Variants in CELSR1 observed in about 807,000 individuals in gnomAD.
The protein encoded by CELSR1 is adhesion G protein-coupled receptor C1.
CELSR1 carries 110 observed loss-of-function variants against 249.1 expected under a neutral mutation model. The ratio of observed to expected loss-of-function variants is 0.44; its 90% confidence interval spans 0.38 to 0.52. CELSR1 has a LOEUF of 0.52. Among genes scored for constraint, CELSR1 ranks in the 20% least tolerant of loss-of-function variants. The pLI, the probability that CELSR1 is intolerant of heterozygous loss-of-function variation, is 0.00. For synonymous variants in CELSR1, 2,113 were observed against 1,900.0 expected, an observed-to-expected ratio of 1.11 and a Z score of -2.92; for missense variants, 4,109 against 4,296.4, an observed-to-expected ratio of 0.96 and a Z score of 1.22.
At position 46,408,894 on chromosome 22, in the gene CELSR1, C is replaced by T. The variant is rs2079297534; in HGVS notation, c.5226+102G>A. ...CCAGGGGCGGGCGCCGGAGGAAGGG[C>T]GAGTAGCAGGTGCCCGAGTGTGCAC... On this transcript the variant is annotated intron_variant, in intron 9 of 34. Coordinates refer to ENST00000674500, the MANE Select transcript of CELSR1 (RefSeq NM_001378328.1). This position sits in a 1 kb window ranked among gnomAD's most constrained non-coding sequence, Gnocchi z 4.6. The T allele has an allele frequency of 4.3e-6, 4 of 936,022 alleles. No individual in the cohort carries two copies. The highest frequency in any genetic ancestry group is 3.9e-5 in the South Asian group (2 of 51,242). The allele number at this position is 936,022 out of a possible 1,614,324, so 58.0% of individuals were successfully genotyped here.
intron 2 of CELSR1, among the ~76,000 whole-genome samples, chr22:46,456,619 T>C (rs1018349659): frequency 3.0e-5 from 4 of 135,354 alleles, no homozygotes; most frequent in African/African-American, 5.6e-5. Flanking sequence ...GCCGAGATTG[T>C]GCCGCTGCAC....
intron 2 of CELSR1, among the ~76,000 whole-genome samples, chr22:46,443,780 G>C (rs184254011): frequency 6.6e-6 from 1 of 152,254 alleles, no homozygotes; most frequent in Non-Finnish European, 1.5e-5. Context: ...GTCAGTGCTC[G>C]TGGCTTCCTG....
chr22:46,369,881 T>C (rs1451343664), intron 25 of CELSR1, 77 bp from the exon 26 acceptor site: 2 of 1,167,130 alleles, frequency 1.7e-6, no homozygotes, highest in African/African-American at 1.5e-5. Context: ...CCAGCCAGGG[T>C]GGGGTGAAAT....
At chr22:46,373,565 A>T (rs907035703) in intron 24 of CELSR1, among the ~76,000 whole-genome samples, 64 of 150,278 alleles carry the variant, frequency 4.3e-4, no homozygotes, top group African/African-American at 1.6e-3. Context: ...TGCCCCAGCC[A>T]GTGCTCCCAA....
In CELSR1 at chr22:46,536,354, T is replaced by A. The variant is rs2080855631; in HGVS notation, c.817A>T (p.Ile273Phe). 1 of 1,612,582 alleles carries A rather than the reference T, an allele frequency of 6.2e-7. No individual in the cohort carries two copies. The highest frequency in any genetic ancestry group is 1.3e-5 in the African/African-American group (1 of 75,064). ...LILQLHAHYTIEGEEERVSYY... is the reference protein window; with the variant it reads ...LILQLHAHYTFEGEEERVSYY... ...CTCACGCGCTCCTCCTCGCCCTCGA[T>A]GGTGTAGTGCGCGTGCAGCTGGAGG... is the stretch of plus-strand genomic sequence containing the variant. Residue 273 changes from isoleucine (I) to phenylalanine (F), a missense_variant, in exon 1 of 35, where the codon ATC becomes TTC. Ile to Phe is a conservative substitution (Grantham distance 21, BLOSUM62 0). Coordinates refer to ENST00000674500, the MANE Select transcript of CELSR1 (RefSeq NM_001378328.1).
rs1433582746 is a variant in CELSR1, at chr22:46,411,153, C to A, written c.4769+449G>T. ...GGTCAAGGCTTCAGTGAGCTAGAAT[C>A]GTGCCACTGCACTCCAGCCTGGGCA... On this transcript the variant is annotated intron_variant, in intron 6 of 34. Coordinates refer to ENST00000674500, the MANE Select transcript of CELSR1 (RefSeq NM_001378328.1). This position sits in a 1 kb window ranked among gnomAD's most constrained non-coding sequence, Gnocchi z 4.2. Among the ~76,000 whole-genome samples the A allele has an allele frequency of 6.6e-6, 1 of 152,112 alleles. No individual in the cohort carries two copies. Among genetic ancestry groups the A allele is most frequent in the African/African-American group, 2.4e-5 (1 of 41,402 alleles).
In CELSR1 at chr22:46,365,704, G is replaced by A; in HGVS notation, c.8301-15C>T. 1.9e-6 allele frequency: 3 copies of A among 1,555,152 alleles called. No homozygotes were observed. Among genetic ancestry groups the A allele is most frequent in the African/African-American group, 1.4e-5 (1 of 73,456 alleles). ...TCCCTTCATCCCTAGAGAGGCCAGG[G>A]AGGGTGGGCTCAGTATCATCCGTCA... On this transcript the variant is annotated splice_polypyrimidine_tract_variant and intron_variant, in intron 30 of 34. Transcript: ENST00000674500.
rs889317692 is a variant in CELSR1, at chr22:46,398,859, G to A, written c.5413-222C>T. ...ACCAGGCCAGAGGATGGGTGTCCAT[G>A]CCCCAGCCTAGCTGAGGCGGCCAGT... is the stretch of plus-strand genomic sequence containing the variant. On this transcript the variant is annotated intron_variant, in intron 10 of 34. Transcript: ENST00000674500. The surrounding 1 kb of genome is among the most constrained non-coding windows in gnomAD (Gnocchi z 7.2). 6.6e-6 allele frequency among the ~76,000 whole-genome samples: 1 copy of A among 152,232 alleles called. No individual in the cohort carries two copies. Among genetic ancestry groups the A allele is most frequent in the Non-Finnish European group, 1.5e-5 (1 of 68,044 alleles).
At chr22:46,386,170 A>G (rs1398949153) in intron 19 of CELSR1, among the ~76,000 whole-genome samples, 2 of 151,562 alleles carry the variant, frequency 1.3e-5, no homozygotes, top group Non-Finnish European at 2.9e-5. Context: ...GGGTTTCACC[A>G]TTTTGCCCAG....
At chr22:46,496,732 T>C (rs1355619385) in intron 1 of CELSR1, among the ~76,000 whole-genome samples, 2 of 152,052 alleles carry the variant, frequency 1.3e-5, no homozygotes, top group African/African-American at 4.8e-5. Flanking sequence ...CACCTCCATA[T>C]CTTGTCCCAT....
At chr22:46,531,107 T>C (rs952159910) in intron 1 of CELSR1, among the ~76,000 whole-genome samples, 6 of 152,240 alleles carry the variant, frequency 3.9e-5, no homozygotes, top group Non-Finnish European at 8.8e-5. Flanking sequence ...TCTGGAACCA[T>C]AGATCTTATA....
Position 46,381,151 on chromosome 22 carries a change from G to A in CELSR1, c.7089-196C>T, listed in dbSNP as rs1016091514. Among the ~76,000 whole-genome samples the A allele has an allele frequency of 6.6e-6, 1 of 152,192 alleles. No homozygotes were observed. The highest frequency in any genetic ancestry group is 2.4e-5 in the African/African-American group (1 of 41,446). On this transcript the variant is annotated intron_variant, in intron 21 of 34. Transcript: ENST00000674500. This position sits in a 1 kb window ranked among gnomAD's most constrained non-coding sequence, Gnocchi z 6.0. The stretch of plus-strand genomic sequence containing the variant: ...TTTTATCACTGACAGGGCACACAGA[G>A]AGAGGTGTCACCTTTGGGTCAAATT...
chr22:46,366,493 G>A lies in CELSR1; in HGVS notation c.8206-13C>T. On this transcript the variant is annotated splice_polypyrimidine_tract_variant and intron_variant, in intron 29 of 34. Transcript: ENST00000674500. ...AGTTGAGGGAGCGCTGAAGGGAGGGGAGGGGCTGGTCACTGCCAAGTGGTG... is the reference window on the plus strand; with the variant it reads ...AGTTGAGGGAGCGCTGAAGGGAGGGAAGGGGCTGGTCACTGCCAAGTGGTG... 1.3e-6 allele frequency: 2 copies of A among 1,546,620 alleles called. No individual in the cohort carries two copies. Among genetic ancestry groups the A allele is most frequent in the South Asian group, 2.4e-5 (2 of 83,990 alleles).
chr22:46,466,344 A>G (rs1359623731), intron 1 of CELSR1, among the ~76,000 whole-genome samples: 1 of 152,218 alleles, frequency 6.6e-6, no homozygotes, highest in African/African-American at 2.4e-5. Context: ...CACAGGATGT[A>G]GCAGGAAACA....
intron 1 of CELSR1, among the ~76,000 whole-genome samples, chr22:46,489,361 C>T (rs550940717): frequency 6.6e-6 from 1 of 151,884 alleles, no homozygotes; most frequent in African/African-American, 2.4e-5. Context: ...ACCCTCCTGT[C>T]CTGGCTTGAG....
At chr22:46,403,971 CAAA>C (rs756055741) in intron 9 of CELSR1, among the ~76,000 whole-genome samples, 2 of 48,414 alleles carry the variant, frequency 4.1e-5, no homozygotes, top group African/African-American at 6.5e-5. Flanking sequence ...AACTCCGTCT[CAAA>C]AAAAAAAAAA....
intron 3 of CELSR1, 33 bp downstream of exon 3, chr22:46,439,156 A>G: frequency 1.3e-6 from 2 of 1,582,030 alleles, no homozygotes; most frequent in South Asian, 1.1e-5. Flanking sequence ...TCCTAAAGAG[A>G]CCCCCGTGTG....
intron 5 of CELSR1, among the ~76,000 whole-genome samples, chr22:46,422,221 T>A (rs1349229779): frequency 6.6e-6 from 1 of 152,042 alleles, no homozygotes; most frequent in Non-Finnish European, 1.5e-5. Context: ...TTCTCCTGCC[T>A]CAGCCTCCCG....
intron 20 of CELSR1, among the ~76,000 whole-genome samples, chr22:46,384,090 G>A (rs1602054168): frequency 6.6e-6 from 1 of 151,896 alleles, no homozygotes. Flanking sequence ...GCCCGCCACC[G>A]CAGCTGGCTA....
Sources: gnomAD v4.1 joint callset for allele counts (sites outside exome capture counted in the v4.1 genomes callset) on GRCh38, gnomAD v4.1.1 for gene constraint, Gnocchi (gnomAD v3.1) non-coding constraint, MANE v1.5 for transcripts, NCBI Gene and HGNC (gene_info 2026-07-23, HGNC 2026-07-21) for gene names.